Variants in RNF5 observed in about 807,000 individuals in gnomAD.
The protein encoded by RNF5 is ring finger protein 5, also known as E3 ubiquitin-protein ligase RNF5.
RNF5 carries 16 observed loss-of-function variants against 24.4 expected under a neutral mutation model. The ratio of observed to expected loss-of-function variants is 0.66; its 90% CI spans 0.44 to 1.00. The LOEUF (loss-of-function observed/expected upper bound fraction) is 1.00. Ranked by LOEUF, RNF5 falls within the 50% of genes least tolerant of loss-of-function variation. RNF5 has a pLI of 0.00. For missense variants in RNF5, 185 were observed against 236.7 expected (o/e 0.78, Z 1.43); for synonymous variants, 64 against 88.5 (o/e 0.72, Z 1.55).
rs1038892524 is a variant in RNF5, at chr6:32,178,444, G to T, written c.-68G>T. On this transcript the variant is annotated 5_prime_UTR_variant, in exon 1 of 6. Coordinates refer to ENST00000375094, the MANE Select transcript of RNF5 (RefSeq NM_006913.4). ...GATCGTGGGCAGGAGGTGGTTTCTG[G>T]TTTGTTGGGGCGTGTGTATGTGTAT... 4.3e-6 allele frequency: 6 copies of T among 1,384,426 alleles called. No homozygotes were observed. In the African/African-American group the frequency reaches 8.7e-5, roughly 20 times the overall value. 85.8% of individuals were successfully genotyped at this position (1,384,426 alleles called of 1,614,324 possible).
intron 1 of RNF5, among the ~76,000 whole-genome samples, chr6:32,178,858 G>A (rs1276218573): frequency 6.6e-6 from 1 of 152,160 alleles, no homozygotes; most frequent in African/African-American, 2.4e-5. Context: ...GGAACCAGGA[G>A]CTGAGGCACG....
rs1214252113 is a variant in RNF5 at position 32,180,000 on chromosome 6, C to T, written c.328-9C>T. Reference sequence around the variant, plus strand: ...CCGGCTTCCTGTCTGACTTTTTCTGCCTCCCTAGGGATTCCAGCCATTTGG... The same window carrying T: ...CCGGCTTCCTGTCTGACTTTTTCTGTCTCCCTAGGGATTCCAGCCATTTGG... On this transcript the variant is annotated splice_polypyrimidine_tract_variant and intron_variant, in intron 4 of 5. Transcript: ENST00000375094. The surrounding 1 kb of genome is among the most constrained non-coding windows in gnomAD (Gnocchi z 5.4). 1.9e-6 allele frequency: 3 copies of T among 1,613,976 alleles called. No homozygotes were observed. Among genetic ancestry groups the T allele is most frequent in the South Asian group, 1.1e-5 (1 of 91,092 alleles).
chr6:32,178,880 G>C (rs9469089), intron 1 of RNF5, among the ~76,000 whole-genome samples: 21,650 of 152,100 alleles, frequency 0.14, 1,673 homozygotes, highest in Admixed American at 0.18. Flanking sequence ...GATGTGCTGA[G>C]AAGAGAAGGT....
At position 32,179,738 on chromosome 6, in the gene RNF5, G is replaced by A; in HGVS notation, c.247G>A (p.Gly83Arg). Residue 83 changes from glycine to arginine, a missense_variant, in exon 3 of 6, where the codon GGG becomes AGG. Coordinates refer to ENST00000375094, the MANE Select transcript of RNF5 (RefSeq NM_006913.4). This position sits in a 1 kb window ranked among gnomAD's most constrained non-coding sequence, Gnocchi z 5.4. ...GAAGGTTGTCCCGCTTTATGGGCGA[G>A]GGAGCCAGAAGCCCCAGGATCCCAG... ...REKVVPLYGR[G>R]SQKPQDPRLK... 1 of 1,614,168 alleles carries A rather than the reference G, an allele frequency of 6.2e-7. No homozygotes were observed.
In RNF5 at chr6:32,180,224, C is replaced by T. The variant is rs750705971; in HGVS notation, c.446-5C>T. ...ATGCTTCCACAGCTTTCCTCTCTCC[C>T]ACAGGTGTGGATCTGGGACAGGGTC... On this transcript the variant is annotated splice_region_variant and splice_polypyrimidine_tract_variant and intron_variant, in intron 5 of 5. Transcript: ENST00000375094. 3 of 1,612,472 alleles carry T rather than the reference C, an allele frequency of 1.9e-6. No individual in the cohort carries two copies. In the Admixed American group the frequency reaches 5.0e-5, roughly 27 times the overall value.
Position 32,180,743 on chromosome 6 carries a change from G to A in RNF5, c.*417G>A, listed in dbSNP as rs928251148. On this transcript the variant is annotated 3_prime_UTR_variant, in exon 6 of 6. Coordinates refer to ENST00000375094, the MANE Select transcript of RNF5 (RefSeq NM_006913.4). ...TGGATTCTGACTCTTAAGTGCTTCC[G>A]CCCCCTCACTACCTCCTTTAATACA... The A allele has an allele frequency of 3.0e-5, 10 of 332,270 alleles. No homozygotes were observed. The highest frequency in any genetic ancestry group is 4.9e-5 in the Non-Finnish European group (9 of 182,296). The allele number at this position is 332,270 out of a possible 1,614,324, so 20.6% of individuals were successfully genotyped here.
In RNF5 at chr6:32,178,472, G is replaced by A; in HGVS notation, c.-40G>A. 1 of 1,520,854 alleles carries A rather than the reference G, an allele frequency of 6.6e-7. No homozygotes were observed. The highest frequency in any genetic ancestry group is 8.8e-7 in the Non-Finnish European group (1 of 1,132,898). 94.2% of individuals were successfully genotyped at this position (1,520,854 alleles called of 1,614,324 possible). On this transcript the variant is annotated 5_prime_UTR_variant, in exon 1 of 6. The change creates a premature stop within an existing upstream ORF in the 5' untranslated region. Transcript: ENST00000375094. ...TGTTGGGGCGTGTGTATGTGTATTT[G>A]GGGGGACTGAAGGGTACGTGGGGCG... is the stretch of plus-strand genomic sequence containing the variant.
At chr6:32,180,163 T>C (rs773877482) in intron 5 of RNF5, 37 bp downstream of exon 5, 2 of 1,611,046 alleles carry the variant, frequency 1.2e-6, no homozygotes, top group African/African-American at 2.7e-5. Flanking sequence ...GGGAGCCCTG[T>C]GAATCCCCTC....
chr6:32,178,667 G>A lies in RNF5; in HGVS notation c.140+16G>A, dbSNP rs554113438. Reference sequence around the variant, plus strand: ...ACCTGTACTGGTGAGAATCGAGGAGGGGGGCGGGAGGTGGTGGGTCTCGCT... The same window carrying A: ...ACCTGTACTGGTGAGAATCGAGGAGAGGGGCGGGAGGTGGTGGGTCTCGCT... On this transcript the variant is annotated intron_variant, in intron 1 of 5. Coordinates refer to ENST00000375094, the MANE Select transcript of RNF5 (RefSeq NM_006913.4). 1.9e-6 allele frequency: 3 copies of A among 1,608,106 alleles called. No individual in the cohort carries two copies. Among genetic ancestry groups the A allele is most frequent in the Non-Finnish European group, 2.5e-6 (3 of 1,179,276 alleles).
rs1273825859 is a variant in RNF5 at position 32,179,766 on chromosome 6, G to A, written c.272+3G>A. 1 of 1,612,172 alleles carries A rather than the reference G, an allele frequency of 6.2e-7. No homozygotes were observed. The highest frequency in any genetic ancestry group is 2.2e-5 in the East Asian group (1 of 44,872). On this transcript the variant is annotated splice_donor_region_variant and intron_variant, in intron 3 of 5. Coordinates refer to ENST00000375094, the MANE Select transcript of RNF5 (RefSeq NM_006913.4). This position sits in a 1 kb window ranked among gnomAD's most constrained non-coding sequence, Gnocchi z 5.4. ...AGCCAGAAGCCCCAGGATCCCAGGT[G>A]AGAGACTGGAGGTGTTGCTTAGGGA...
Position 32,179,435 on chromosome 6 carries a change from A to G in RNF5, c.141-106A>G. 1.5e-6 allele frequency: 2 copies of G among 1,369,946 alleles called. No homozygotes were observed. The highest frequency in any genetic ancestry group is 2.1e-6 in the Non-Finnish European group (2 of 967,314). 84.9% of individuals were successfully genotyped at this position (1,369,946 alleles called of 1,614,324 possible). On this transcript the variant is annotated intron_variant, in intron 1 of 5. Transcript: ENST00000375094. This position sits in a 1 kb window ranked among gnomAD's most constrained non-coding sequence, Gnocchi z 5.4. Reference sequence around the variant, plus strand: ...TGCAGAAAATCTGAAAAGCAACAGCAGGTTGCTTGGGAAGAGGGGTTAGAT... The same window carrying G: ...TGCAGAAAATCTGAAAAGCAACAGCGGGTTGCTTGGGAAGAGGGGTTAGAT...
chr6:32,179,600 A>G lies in RNF5; in HGVS notation c.159+41A>G, dbSNP rs1489628123. 1 of 1,613,210 alleles carries G rather than the reference A, an allele frequency of 6.2e-7. No homozygotes were observed. Among genetic ancestry groups the G allele is most frequent in the Non-Finnish European group, 8.5e-7 (1 of 1,179,824 alleles). On this transcript the variant is annotated intron_variant, in intron 2 of 5. Transcript: ENST00000375094. The surrounding 1 kb of genome is among the most constrained non-coding windows in gnomAD (Gnocchi z 5.4). ...ATGAAGAGGGAAATGGGGAGGTCTG[A>G]GGAGCTGTAAGACCCTCTTGTATAC...
At chr6:32,178,825 G>T (rs1301772301) in intron 1 of RNF5, among the ~76,000 whole-genome samples, 174 bp downstream of exon 1, 1 of 152,164 alleles carries the variant, frequency 6.6e-6, no homozygotes, top group Non-Finnish European at 1.5e-5. Context: ...TAACGGTCGA[G>T]ATCTGTGGAA....
rs114959175 is a variant in RNF5, at chr6:32,179,677, A to T, written c.186A>T (p.Gln62His). 1.2e-6 allele frequency: 2 copies of T among 1,614,134 alleles called. No individual in the cohort carries two copies. Among genetic ancestry groups the T allele is most frequent in the Non-Finnish European group, 1.7e-6 (2 of 1,180,010 alleles). The change falls in exon 3 of 6, where the codon CAA (glutamine) becomes CAT (histidine). Residue 62 changes from glutamine to histidine, a missense_variant. By Grantham distance (24) the Gln-to-His change is conservative. Coordinates refer to ENST00000375094, the MANE Select transcript of RNF5 (RefSeq NM_006913.4). The surrounding 1 kb of genome is among the most constrained non-coding windows in gnomAD (Gnocchi z 5.4). ...GGCTGGAGACACGGCCAGAACGGCA[A>T]GAGTGTCCAGTATGTAAAGCTGGGA... is the stretch of plus-strand genomic sequence containing the variant. ...HQWLETRPERQECPVCKAGIS... is the reference protein window; with the variant it reads ...HQWLETRPERHECPVCKAGIS...
chr6:32,179,891 C>T lies in RNF5; in HGVS notation c.287C>T (p.Pro96Leu), dbSNP rs780921402. The T allele has an allele frequency of 1.9e-6, 3 of 1,614,042 alleles. No individual in the cohort carries two copies. The highest frequency in any genetic ancestry group is 1.7e-5 in the Admixed American group (1 of 60,000). ...KPQDPRLKTP[P>L]RPQGQRPAPE... is the part of the protein sequence containing the mutation. ...CACTTCCTCAGATTAAAAACTCCACCCCGCCCCCAGGGCCAGAGACCAGCT... is the reference window on the plus strand; with the variant it reads ...CACTTCCTCAGATTAAAAACTCCACTCCGCCCCCAGGGCCAGAGACCAGCT... Residue 96 changes from proline (P) to leucine (L), a missense_variant, in exon 4 of 6, where the codon CCC (proline) becomes CTC (leucine). By Grantham distance (98) the Pro-to-Leu change is moderately conservative. Coordinates refer to ENST00000375094, the MANE Select transcript of RNF5 (RefSeq NM_006913.4). This position sits in a 1 kb window ranked among gnomAD's most constrained non-coding sequence, Gnocchi z 5.4.
chr6:32,179,852 T>G lies in RNF5; in HGVS notation c.273-25T>G, dbSNP rs758091503. The G allele has an allele frequency of 6.2e-7, 1 of 1,614,092 alleles. No individual in the cohort carries two copies. The highest frequency in any genetic ancestry group is 1.1e-5 in the South Asian group (1 of 91,088). On this transcript the variant is annotated intron_variant, in intron 3 of 5. Transcript: ENST00000375094. The surrounding 1 kb of genome is among the most constrained non-coding windows in gnomAD (Gnocchi z 5.4). ...AAGATGGGAGGAGAAAAATCCCTGT[T>G]AACTTTCTCTCTCCACTTCCTCAGA...
In RNF5 at chr6:32,180,408, C is replaced by T. The variant is rs751795168; in HGVS notation, c.*82C>T. On this transcript the variant is annotated 3_prime_UTR_variant, in exon 6 of 6. Coordinates refer to ENST00000375094, the MANE Select transcript of RNF5 (RefSeq NM_006913.4). The stretch of plus-strand genomic sequence containing the variant: ...TGCTGACCCTTCCGTACTCCTGGAC[C>T]CCCTTGACCCCTCTATTTCTGTTGG... The T allele has an allele frequency of 2.6e-5, 32 of 1,240,886 alleles. No individual in the cohort carries two copies. Among genetic ancestry groups the T allele is most frequent in the Non-Finnish European group, 3.5e-5 (30 of 856,238 alleles). The allele number at this position is 1,240,886 out of a possible 1,614,324, so 76.9% of individuals were successfully genotyped here.
rs2127430988 is a variant in RNF5 at position 32,180,577 on chromosome 6, A to C, written c.*251A>C. On this transcript the variant is annotated 3_prime_UTR_variant, in exon 6 of 6. Coordinates refer to ENST00000375094, the MANE Select transcript of RNF5 (RefSeq NM_006913.4). ...CTGGGGAAGGAGGATGGATTGAGAG[A>C]ATGTCTTTCTCCTCTCCTAAGTCTT... The C allele has an allele frequency of 1.9e-5, 10 of 531,266 alleles. No individual in the cohort carries two copies. The South Asian group carries it at 2.5e-4, about 13-fold the overall frequency. 32.9% of individuals were successfully genotyped at this position (531,266 alleles called of 1,614,324 possible). A position where few individuals can be genotyped will look rare whatever the true frequency, so the allele number is the denominator to read the frequency against.
In RNF5 at chr6:32,179,919, G is replaced by C. The variant is rs3130349; in HGVS notation, c.315G>C (p.Pro105=). The C allele has an allele frequency of 1.2e-6, 2 of 1,614,086 alleles. No homozygotes were observed. Among genetic ancestry groups the C allele is most frequent in the Admixed American group, 1.7e-5 (1 of 60,020 alleles). ...PPRPQGQRPA[P]ESRGGFQPFG... ...GCCCCCAGGGCCAGAGACCAGCTCC[G>C]GAGAGCAGAGGGGTGAGTCTTCTTG... The change falls in exon 4 of 6, where the codon CCG becomes CCC. Residue 105 remains proline (P), a synonymous_variant. Coordinates refer to ENST00000375094, the MANE Select transcript of RNF5 (RefSeq NM_006913.4). The surrounding 1 kb of genome is among the most constrained non-coding windows in gnomAD (Gnocchi z 5.4).
Sources: gnomAD v4.1 joint callset for allele counts (sites outside exome capture counted in the v4.1 genomes callset) on GRCh38, gnomAD v4.1.1 for gene constraint, Gnocchi (gnomAD v3.1) non-coding constraint, MANE v1.5 for transcripts, NCBI Gene and HGNC (gene_info 2026-07-23, HGNC 2026-07-21) for gene names.